CTNNA3: variants seen among roughly 807,000 people sequenced by gnomAD.
CTNNA3 encodes catenin alpha 3.
CTNNA3 carries 76 observed loss-of-function variants against 95.7 expected under a neutral mutation model. The ratio of observed to expected loss-of-function variants is 0.79; its 90% CI spans 0.66 to 0.96. The LOEUF is 0.96. Among genes scored for constraint, CTNNA3 ranks in the 40% least tolerant of loss-of-function variants. The pLI, the probability that CTNNA3 is intolerant of heterozygous loss-of-function variation, is 0.00. For synonymous variants in CTNNA3, 431 were observed against 374.4 expected (o/e 1.15, Z -1.74); for missense variants, 1,191 against 1,089.8 (o/e 1.09, Z -1.31).
intron 3 of CTNNA3, among the ~76,000 whole-genome samples, chr10:67,568,235 T>A (rs1841873414): frequency 6.6e-6 from 1 of 151,796 alleles, no homozygotes; most frequent in African/African-American, 2.4e-5. Context: ...ACAGACTGTT[T>A]TTTTTTTTGC....
chr10:65,974,220 C>G (rs1026419928), intron 16 of CTNNA3, among the ~76,000 whole-genome samples: 1 of 152,154 alleles, frequency 6.6e-6, no homozygotes, highest in East Asian at 1.9e-4. Flanking sequence ...TAACATTTGA[C>G]TCACTCATCC....
chr10:66,450,113 T>C (rs555601685), intron 11 of CTNNA3, among the ~76,000 whole-genome samples: 1 of 152,168 alleles, frequency 6.6e-6, no homozygotes, highest in South Asian at 2.1e-4. Context: ...TAGAGAGTAA[T>C]GAAAGCAGTT....
chr10:67,397,978 G>C (rs1268792923), intron 5 of CTNNA3, among the ~76,000 whole-genome samples: 2 of 152,210 alleles, frequency 1.3e-5, no homozygotes, highest in African/African-American at 4.8e-5. Context: ...TGGATGTCTA[G>C]GCAGAAGTTT....
chr10:66,981,881 G>C (rs1055522950), intron 7 of CTNNA3, among the ~76,000 whole-genome samples: 1 of 152,102 alleles, frequency 6.6e-6, no homozygotes. Context: ...CCACTTACTT[G>C]CTCCCAAAGT....
intron 2 of CTNNA3, among the ~76,000 whole-genome samples, chr10:67,628,432 C>A (rs1839030357): frequency 6.6e-6 from 1 of 152,032 alleles, no homozygotes. Flanking sequence ...AATTTTTGAT[C>A]AAATATTTTA....
chr10:67,316,228 GC>G (rs1841046136), intron 5 of CTNNA3, among the ~76,000 whole-genome samples: 1 of 152,022 alleles, frequency 6.6e-6, no homozygotes, highest in Non-Finnish European at 1.5e-5. Context: ...ATTACATCTA[GC>G]TATATTTTGC....
At chr10:66,310,335 A>T (rs2132257460) in intron 12 of CTNNA3, among the ~76,000 whole-genome samples, 1 of 152,308 alleles carries the variant, frequency 6.6e-6, no homozygotes, top group Non-Finnish European at 1.5e-5. Flanking sequence ...TCTGAAGCCC[A>T]CAGAGGTTGA....
At chr10:66,955,318 A>G (rs1848730459) in intron 7 of CTNNA3, among the ~76,000 whole-genome samples, 1 of 152,162 alleles carries the variant, frequency 6.6e-6, no homozygotes, top group Admixed American at 6.6e-5. Flanking sequence ...GACTCTGAAT[A>G]ATATCTATCA....
At chr10:67,234,363 G>C (rs904822592) in intron 5 of CTNNA3, among the ~76,000 whole-genome samples, 65 of 152,096 alleles carry the variant, frequency 4.3e-4, no homozygotes, top group African/African-American at 1.2e-4. Context: ...TTCAATATAC[G>C]CAAATCAATA....
intron 9 of CTNNA3, among the ~76,000 whole-genome samples, chr10:66,668,286 T>C (rs1004358647): frequency 6.6e-6 from 1 of 152,124 alleles, no homozygotes; most frequent in Admixed American, 6.5e-5. Context: ...AAGGGAAATA[T>C]GTCTGCAAAA....
chr10:67,139,120 T>C (rs1178090272), intron 7 of CTNNA3, among the ~76,000 whole-genome samples: 1 of 152,068 alleles, frequency 6.6e-6, no homozygotes, highest in Non-Finnish European at 1.5e-5. Flanking sequence ...AAATTCAGAT[T>C]AAAACATTTA....
rs574127608 is a variant in CTNNA3 at position 67,215,452 on chromosome 10, G to A, written c.843+4155C>T. On this transcript the variant is annotated intron_variant, in intron 6 of 17. Coordinates refer to ENST00000433211, the MANE Select transcript of CTNNA3 (RefSeq NM_013266.4). ...GGAACCGTATGAGAATTTTTTGAAA[G>A]CTGTGTATAAAGTGCAGAAAGAATC... 2.4e-4 allele frequency among the ~76,000 whole-genome samples: 36 copies of A among 152,234 alleles called. 1 individual carries two copies. In the East Asian group the frequency reaches 6.8e-3, roughly 29 times the overall value.
In CTNNA3 at chr10:66,075,838, A is replaced by AT. The variant is rs5785747; in HGVS notation, c.1978-6350dup. 1.0e-3 allele frequency among the ~76,000 whole-genome samples: 154 copies of AT among 148,764 alleles called. 1 individual carries two copies. The East Asian group carries it at 0.017, about 16-fold the overall frequency. On this transcript the variant is annotated intron_variant, in intron 14 of 17. Transcript: ENST00000433211. ...TCATTAGTAGCTTTCCCTTTCCACA[A>AT]TTTTTTTTTTGGCTTTCCTTAACTA...
At chr10:66,832,161 G>T (rs1842741803) in intron 7 of CTNNA3, among the ~76,000 whole-genome samples, 1 of 152,216 alleles carries the variant, frequency 6.6e-6, no homozygotes, top group East Asian at 1.9e-4. Context: ...TCTATAAGTT[G>T]GGAAGAAACT....
chr10:67,246,040 C>T (rs1021323481), intron 5 of CTNNA3, among the ~76,000 whole-genome samples: 2 of 152,038 alleles, frequency 1.3e-5, no homozygotes, highest in Non-Finnish European at 2.9e-5. Context: ...TTCATGTTTG[C>T]GAGAATTCAT....
At chr10:65,955,599 T>C (rs1204140155) in intron 17 of CTNNA3, among the ~76,000 whole-genome samples, 5 of 152,130 alleles carry the variant, frequency 3.3e-5, no homozygotes, top group Non-Finnish European at 7.3e-5. Flanking sequence ...TAGCATGAAG[T>C]GCTGTTGAAT....
intron 7 of CTNNA3, 50 bp downstream of exon 7, chr10:67,180,267 A>G (rs756105387): frequency 6.9e-7 from 1 of 1,459,296 alleles, no homozygotes; most frequent in Non-Finnish European, 9.6e-7. Context: ...CCTATATTCA[A>G]AGTACAAGGG....
At chr10:67,616,250 C>G (rs142021905) in intron 2 of CTNNA3, among the ~76,000 whole-genome samples, 11 of 152,304 alleles carry the variant, frequency 7.2e-5, no homozygotes, top group South Asian at 6.2e-4. Flanking sequence ...TAGATCACCA[C>G]TAATGCTCTC....
chr10:65,912,943 G>C lies in CTNNA3; in HGVS notation c.*7387C>G, dbSNP rs1818648678. The C allele has an allele frequency of 6.6e-6, 1 of 152,028 alleles. No homozygotes were observed. Among genetic ancestry groups the C allele is most frequent in the African/African-American group, 2.4e-5 (1 of 41,388 alleles). The allele number at this position is 152,028 out of a possible 1,614,324, so 9.4% of individuals were successfully genotyped here. A position where few individuals can be genotyped will look rare whatever the true frequency, so the allele number is the denominator to read the frequency against. ...GCTTTGAACTGGTCATTAATATAAT[G>C]GGCAGTTCATTCAATCATATTCTGT... is the stretch of plus-strand genomic sequence containing the variant. On this transcript the variant is annotated 3_prime_UTR_variant, in exon 18 of 18. Transcript: ENST00000433211.
Sources: allele counts gnomAD v4.1 joint callset (sites outside exome capture counted in the v4.1 genomes callset), GRCh38; gene constraint gnomAD v4.1.1; transcripts MANE v1.5; gene names NCBI Gene and HGNC (gene_info 2026-07-23, HGNC 2026-07-21).